The following SPIDR variants were observed in gnomAD, a reference collection of about 807,000 sequenced individuals.
SPIDR encodes the protein scaffold protein involved in DNA repair.
Under a neutral mutation model 104.6 loss-of-function variants are expected in SPIDR, and 93 were observed. That is an observed-to-expected ratio of 0.89 (90% CI 0.75 to 1.06). The LOEUF is 1.06. SPIDR is among the 50% of genes least tolerant of loss of function. The pLI is 0.00. For synonymous variants in SPIDR, 431 were observed against 416.9 expected, an observed-to-expected ratio of 1.03 and a Z score of -0.41; for missense variants, 1,154 against 1,111.2, an observed-to-expected ratio of 1.04 and a Z score of -0.55.
rs563526048 is a variant in SPIDR, at chr8:47,410,660, T to C, written c.877+2699T>C. ...GGTCTTATTATTTAGAGAAGTCTTT[T>C]TTATTATTATTATTATATTTTAAGT... On this transcript the variant is annotated intron_variant, in intron 7 of 19. Coordinates refer to ENST00000297423, the MANE Select transcript of SPIDR (RefSeq NM_001080394.4). Among the ~76,000 whole-genome samples, 5 of 151,972 alleles carry C rather than the reference T, an allele frequency of 3.3e-5. No individual in the cohort carries two copies. In the East Asian group the frequency reaches 9.6e-4, roughly 29 times the overall value.
At chr8:47,264,473 C>A (rs1554545069) in intron 1 of SPIDR, among the ~76,000 whole-genome samples, 1 of 152,062 alleles carries the variant, frequency 6.6e-6, no homozygotes, top group African/African-American at 2.4e-5. Context: ...TTTCCTCACT[C>A]CCCTCTCCTC....
At position 47,359,826 on chromosome 8, in the gene SPIDR, G is replaced by A. The variant is rs185392088; in HGVS notation, c.526-36550G>A. On this transcript the variant is annotated intron_variant, in intron 5 of 19. Transcript: ENST00000297423. ...TTTCTCTTAAAAAATGGGATACTTCGTAAGAACAAGCTATGATACTGTGAT... is the reference window on the plus strand; with the variant it reads ...TTTCTCTTAAAAAATGGGATACTTCATAAGAACAAGCTATGATACTGTGAT... 2.3e-4 allele frequency among the ~76,000 whole-genome samples: 35 copies of A among 152,294 alleles called. No individual in the cohort carries two copies. In the East Asian group the frequency reaches 2.3e-3, roughly 10 times the overall value.
At chr8:47,365,269 G>A (rs2056974656) in intron 5 of SPIDR, among the ~76,000 whole-genome samples, 1 of 152,162 alleles carries the variant, frequency 6.6e-6, no homozygotes, top group African/African-American at 2.4e-5. Flanking sequence ...AAGGATGGAA[G>A]CCTCCTCACA....
intron 14 of SPIDR, among the ~76,000 whole-genome samples, chr8:47,708,285 C>T (rs901910620): frequency 2.0e-5 from 3 of 152,198 alleles, no homozygotes; most frequent in Non-Finnish European, 2.9e-5. Flanking sequence ...GGCGACAGAG[C>T]GAGACTCCGT....
At chr8:47,344,864 A>T (rs2051560350) in intron 5 of SPIDR, among the ~76,000 whole-genome samples, 1 of 152,182 alleles carries the variant, frequency 6.6e-6, no homozygotes, top group South Asian at 2.1e-4. Context: ...GATTCTGGAT[A>T]TTAGCCCTTT....
Position 47,595,787 on chromosome 8 carries a change from G to A in SPIDR, c.1098-24G>A, listed in dbSNP as rs1198297806. ...GGGACCCCAATATTGCAAAGAAACT[G>A]TTGCATGTCTTTCTCTTTTCCAGGC... On this transcript the variant is annotated intron_variant, in intron 8 of 19. Coordinates refer to ENST00000297423, the MANE Select transcript of SPIDR (RefSeq NM_001080394.4). 6 of 1,608,450 alleles carry A rather than the reference G, an allele frequency of 3.7e-6. No individual in the cohort carries two copies. In the South Asian group the frequency reaches 6.6e-5, roughly 18 times the overall value.
At chr8:47,304,317 A>AC (rs1468581098) in intron 5 of SPIDR, among the ~76,000 whole-genome samples, 5 of 151,876 alleles carry the variant, frequency 3.3e-5, no homozygotes, top group African/African-American at 1.2e-4. Context: ...TAGCACCAAA[A>AC]CCCTTGGTAC....
intron 16 of SPIDR, among the ~76,000 whole-genome samples, chr8:47,716,332 A>G (rs2082587990): frequency 6.6e-6 from 1 of 152,090 alleles, no homozygotes; most frequent in South Asian, 2.1e-4. Context: ...ACCCTTACCT[A>G]TAACTAGTTC....
At chr8:47,492,013 T>G (rs1391259577) in intron 8 of SPIDR, among the ~76,000 whole-genome samples, 6 of 152,174 alleles carry the variant, frequency 3.9e-5, no homozygotes, top group African/African-American at 1.4e-4. Flanking sequence ...GTCTTATGGT[T>G]AACCATGTGA....
intron 8 of SPIDR, among the ~76,000 whole-genome samples, chr8:47,456,438 A>G (rs1297187277): frequency 6.6e-6 from 1 of 152,198 alleles, no homozygotes; most frequent in Admixed American, 6.5e-5. Flanking sequence ...CGATAGCTCT[A>G]GCAAACTAAT....
At chr8:47,488,180 G>A (rs1292012073) in intron 8 of SPIDR, among the ~76,000 whole-genome samples, 16 of 152,156 alleles carry the variant, frequency 1.1e-4, no homozygotes, top group South Asian at 6.2e-4. Flanking sequence ...ATCACCACCG[G>A]TCCCACAGAA....
intron 8 of SPIDR, chr8:47,512,064 G>C (rs921978296): frequency 7.8e-6 from 5 of 644,414 alleles, no homozygotes; most frequent in East Asian, 3.0e-5. Flanking sequence ...TAGCCGACTC[G>C]AGGAAGAAGC....
intron 8 of SPIDR, among the ~76,000 whole-genome samples, chr8:47,442,800 A>G (rs782188771): frequency 1.3e-5 from 2 of 152,046 alleles, no homozygotes; most frequent in African/African-American, 2.4e-5. Context: ...GAGTCTTGCT[A>G]TGTTGCCTAG....
chr8:47,432,626 A>C (rs2067562768), intron 7 of SPIDR, among the ~76,000 whole-genome samples: 1 of 152,260 alleles, frequency 6.6e-6, no homozygotes, highest in Non-Finnish European at 1.5e-5. Context: ...GATAAACTGC[A>C]GAGTGGAAAG....
chr8:47,681,688 A>G, intron 11 of SPIDR, among the ~76,000 whole-genome samples: 1 of 152,206 alleles, frequency 6.6e-6, no homozygotes, highest in East Asian at 1.9e-4. Flanking sequence ...TCACTTCCTT[A>G]TATATTTGGT....
intron 5 of SPIDR, among the ~76,000 whole-genome samples, chr8:47,304,184 G>T (rs1258071809): frequency 6.6e-6 from 1 of 152,106 alleles, no homozygotes; most frequent in Non-Finnish European, 1.5e-5. Context: ...TAAAATAGGG[G>T]ACTAATATAG....
At chr8:47,546,872 C>T in intron 8 of SPIDR, 5 of 407,900 alleles carry the variant, frequency 1.2e-5, no homozygotes, top group South Asian at 1.0e-4. Flanking sequence ...TATACGTTTC[C>T]TCAGGGAAGA....
At chr8:47,391,429 A>G (rs1410598281) in intron 5 of SPIDR, among the ~76,000 whole-genome samples, 1 of 151,944 alleles carries the variant, frequency 6.6e-6, no homozygotes, top group African/African-American at 2.4e-5. Flanking sequence ...AGCTTCAGCT[A>G]CTTGAGAGGC....
rs1312856148 is a variant in SPIDR at position 47,351,083 on chromosome 8, T to G, written c.526-45293T>G. Among the ~76,000 whole-genome samples, 4 of 152,200 alleles carry G rather than the reference T, an allele frequency of 2.6e-5. No homozygotes were observed. In the East Asian group the frequency reaches 7.7e-4, roughly 29 times the overall value. On this transcript the variant is annotated intron_variant, in intron 5 of 19. Coordinates refer to ENST00000297423, the MANE Select transcript of SPIDR (RefSeq NM_001080394.4). Reference sequence around the variant, plus strand: ...CAGATTGACTATCACAACATCTCAGTGCTGTGTTCACGTCACTCTTACTTT... The same window carrying G: ...CAGATTGACTATCACAACATCTCAGGGCTGTGTTCACGTCACTCTTACTTT...
Sources: allele counts gnomAD v4.1 joint callset (sites outside exome capture counted in the v4.1 genomes callset), GRCh38; gene constraint gnomAD v4.1.1; transcripts MANE v1.5; gene names NCBI Gene and HGNC (gene_info 2026-07-23, HGNC 2026-07-21).